Variants in PDCD4 observed in about 807,000 individuals in gnomAD.
PDCD4 encodes programmed cell death protein 4.
Under a neutral mutation model 54.0 loss-of-function variants are expected in PDCD4, and 56 were observed. The ratio of observed to expected loss-of-function variants is 1.04; its 90% confidence interval spans 0.84 to 1.30. The LOEUF is 1.30. Ranked by LOEUF, PDCD4 falls within the 50% of genes most tolerant of loss-of-function variation. The pLI is 0.00. For synonymous variants in PDCD4, 186 were observed against 194.8 expected (o/e 0.95, Z 0.37); for missense variants, 584 against 559.8 (o/e 1.04, Z -0.44).
chr10:110,876,699 C>G, intron 2 of PDCD4: 1 of 1,272,420 alleles, frequency 7.9e-7, no homozygotes, highest in East Asian at 2.8e-5. Flanking sequence ...CATGGTGCTT[C>G]AATAGCATGT....
rs778035152 is a variant in PDCD4, at chr10:110,883,086, G to C, written c.430G>C (p.Asp144His). 3.2e-6 allele frequency: 5 copies of C among 1,578,822 alleles called. No homozygotes were observed. Among genetic ancestry groups the C allele is most frequent in the African/African-American group, 2.8e-5 (2 of 72,472 alleles). The change falls in exon 4 of 12, where the codon GAT (aspartate) becomes CAT (histidine). Residue 144 changes from aspartate (D) to histidine (H), a missense_variant. By Grantham distance (81) the Asp-to-His change is moderately conservative. Coordinates refer to ENST00000280154, the MANE Select transcript of PDCD4 (RefSeq NM_014456.5). Reference protein sequence around the residue: ...EEVDVKDPNYDDDQENCVYET... With the variant: ...EEVDVKDPNYHDDQENCVYET... ...GGTGGATGTGAAAGATCCTAACTAT[G>C]ATGATGACCAGGTATCAGTGCTTTG...
At chr10:110,875,558 A>G (rs1409407468) in intron 1 of PDCD4, among the ~76,000 whole-genome samples, 1 of 152,218 alleles carries the variant, frequency 6.6e-6, no homozygotes, top group Non-Finnish European at 1.5e-5. Context: ...AGTAGTTCTC[A>G]TAATTCATTG....
In PDCD4 at chr10:110,894,511, C is replaced by G. The variant is rs41292604; in HGVS notation, c.1198C>G (p.Gln400Glu). ...GAAGTCTTCTACCATTACTGTAGAC[C>G]AAATGAAAAGAGTAAGTATAACATT... is the stretch of plus-strand genomic sequence containing the variant. ...LWKSSTITVD[Q>E]MKRGYERIYN... The change falls in exon 10 of 12, where the codon CAA becomes GAA. Residue 400 changes from glutamine (Q) to glutamate (E), a missense_variant. Transcript: ENST00000280154. The G allele has an allele frequency of 1.8e-3, 2,443 of 1,385,948 alleles. 8 individuals carry two copies. Among genetic ancestry groups the G allele is most frequent in the Non-Finnish European group, 2.4e-3 (2,328 of 978,178 alleles). The allele number at this position is 1,385,948 out of a possible 1,614,324, so 85.9% of individuals were successfully genotyped here. A position where few individuals can be genotyped will look rare whatever the true frequency, so the allele number is the denominator to read the frequency against.
intron 4 of PDCD4, 195 bp from the exon 5 acceptor site, chr10:110,885,058 A>G (rs1028641119): frequency 2.0e-5 from 8 of 396,554 alleles, no homozygotes; most frequent in Non-Finnish European, 3.6e-5. Context: ...TGCCTCCCAA[A>G]GTGTTGGGAT....
intron 8 of PDCD4, 50 bp from the exon 9 acceptor site, chr10:110,894,041 T>C: frequency 2.7e-6 from 3 of 1,117,906 alleles, no homozygotes; most frequent in Non-Finnish European, 4.1e-6. Context: ...GCAAGCACGA[T>C]ATTTTAAAAG....
intron 8 of PDCD4, among the ~76,000 whole-genome samples, 178 bp from the exon 9 acceptor site, chr10:110,893,913 A>G (rs1157193866): frequency 6.6e-6 from 1 of 152,068 alleles, no homozygotes; most frequent in Non-Finnish European, 1.5e-5. Context: ...AAAATTGGGG[A>G]TTTATTTTTT....
At chr10:110,882,902 AT>A (rs147566781) in intron 3 of PDCD4, 100 bp from the exon 4 acceptor site, 499 of 743,050 alleles carry the variant, frequency 6.7e-4, no homozygotes, top group Middle Eastern at 1.1e-3. Flanking sequence ...GTTAAATACA[AT>A]TTTTTTTTAG....
At chr10:110,872,638 C>T (rs1845435086) in intron 1 of PDCD4, among the ~76,000 whole-genome samples, 1 of 152,206 alleles carries the variant, frequency 6.6e-6, no homozygotes, top group Non-Finnish European at 1.5e-5. Flanking sequence ...GGGCCGCGCG[C>T]TATCCTCGCC....
At position 110,898,149 on chromosome 10, in the gene PDCD4, T is replaced by C; in HGVS notation, c.*61T>C. 1.1e-6 allele frequency: 1 copy of C among 904,828 alleles called. No individual in the cohort carries two copies. The highest frequency in any genetic ancestry group is 1.5e-6 in the Non-Finnish European group (1 of 664,954). 56.0% of individuals were successfully genotyped at this position (904,828 alleles called of 1,614,324 possible). A position where few individuals can be genotyped will look rare whatever the true frequency, so the allele number is the denominator to read the frequency against. ...ATATATATCTGAATTGTAAGAGTTG[T>C]TAGCACAAGTTTTTTTTTTTTTTTT... On this transcript the variant is annotated 3_prime_UTR_variant, in exon 12 of 12. Coordinates refer to ENST00000280154, the MANE Select transcript of PDCD4 (RefSeq NM_014456.5).
chr10:110,892,939 C>G (rs1845777586), intron 8 of PDCD4, among the ~76,000 whole-genome samples: 1 of 151,956 alleles, frequency 6.6e-6, no homozygotes, highest in African/African-American at 2.4e-5. Flanking sequence ...TGTACCTTTT[C>G]TATGTTTAGA....
intron 7 of PDCD4, among the ~76,000 whole-genome samples, chr10:110,890,087 A>G (rs1000097071): frequency 2.0e-5 from 3 of 152,212 alleles, no homozygotes; most frequent in Admixed American, 2.0e-4. Context: ...TATAATTAAT[A>G]TGATATTTGG....
rs1436694386 is a variant in PDCD4 at position 110,898,869 on chromosome 10, T to G, written c.*781T>G. 6.6e-6 allele frequency: 1 copy of G among 152,516 alleles called. No individual in the cohort carries two copies. Among genetic ancestry groups the G allele is most frequent in the Non-Finnish European group, 1.5e-5 (1 of 68,008 alleles). The allele number at this position is 152,516 out of a possible 1,614,324, so 9.4% of individuals were successfully genotyped here. ...ATCTTAGTGTTCCCTTGAAAACTTT[T>G]TTTCCCTACAAAATTTTAAGTGAAA... On this transcript the variant is annotated 3_prime_UTR_variant, in exon 12 of 12. Coordinates refer to ENST00000280154, the MANE Select transcript of PDCD4 (RefSeq NM_014456.5).
chr10:110,894,119 T>C lies in PDCD4; in HGVS notation c.1019T>C (p.Leu340Pro), dbSNP rs770737625. The C allele has an allele frequency of 1.2e-6, 2 of 1,605,934 alleles. No individual in the cohort carries two copies. The highest frequency in any genetic ancestry group is 1.7e-6 in the Non-Finnish European group (2 of 1,172,940). ...EIDMLLKEYLLSGDISEAEHC... is the reference protein window; with the variant it reads ...EIDMLLKEYLPSGDISEAEHC... ...GATATGCTGCTGAAAGAATATTTAC[T>C]CTCTGGAGACATATCTGAAGCTGAA... is the stretch of plus-strand genomic sequence containing the variant. The change falls in exon 9 of 12, where the codon CTC becomes CCC. Residue 340 changes from leucine to proline, a missense_variant. By Grantham distance (98) the Leu-to-Pro change is moderately conservative. Transcript: ENST00000280154.
intron 2 of PDCD4, among the ~76,000 whole-genome samples, chr10:110,877,641 A>G (rs1244388173): frequency 6.6e-6 from 1 of 152,162 alleles, no homozygotes; most frequent in Non-Finnish European, 1.5e-5. Context: ...CTACAATAAG[A>G]CCTAGTTCTA....
intron 1 of PDCD4, among the ~76,000 whole-genome samples, chr10:110,873,390 C>G (rs1284155112): frequency 1.3e-5 from 2 of 152,154 alleles, no homozygotes; most frequent in South Asian, 4.1e-4. Context: ...AAGCTTGACT[C>G]CCCAAAATGC....
At chr10:110,893,628 C>CT (rs1413493592) in intron 8 of PDCD4, among the ~76,000 whole-genome samples, 1 of 152,036 alleles carries the variant, frequency 6.6e-6, no homozygotes, top group Non-Finnish European at 1.5e-5. Context: ...ATGTGGAAAT[C>CT]TTTGCCCTCT....
chr10:110,880,065 A>C (rs1218542230), intron 2 of PDCD4, among the ~76,000 whole-genome samples: 1 of 152,216 alleles, frequency 6.6e-6, no homozygotes, highest in Non-Finnish European at 1.5e-5. Context: ...GCCCAGTGGT[A>C]GCTAATTCAG....
At chr10:110,889,771 A>G in intron 7 of PDCD4, 141 bp downstream of exon 7, 1 of 621,040 alleles carries the variant, frequency 1.6e-6, no homozygotes, top group Non-Finnish European at 2.8e-6. Context: ...TAAAATGGAG[A>G]GACTATTGGC....
At chr10:110,891,508 GA>G (rs759581432) in intron 8 of PDCD4, among the ~76,000 whole-genome samples, 3 of 138,704 alleles carry the variant, frequency 2.2e-5, no homozygotes, top group Non-Finnish European at 4.7e-5. Context: ...CCTATAACAA[GA>G]AACCAAAAAA....
Sources: gnomAD v4.1 joint callset for allele counts (sites outside exome capture counted in the v4.1 genomes callset) on GRCh38, gnomAD v4.1.1 for gene constraint, MANE v1.5 for transcripts, NCBI Gene and HGNC (gene_info 2026-07-23, HGNC 2026-07-21) for gene names.